SKAP1: variants seen among roughly 807,000 people sequenced by gnomAD.
The protein encoded by SKAP1 is src kinase associated phosphoprotein 1, also known as src kinase-associated phosphoprotein 1.
In SKAP1, 44 loss-of-function variants were observed where a neutral mutation model predicts 58.5. That is an observed-to-expected ratio of 0.75 (90% CI 0.59 to 0.97). The LOEUF is 0.97. Among genes scored for constraint, SKAP1 ranks in the 50% least tolerant of loss-of-function variants. The pLI, the probability that SKAP1 is intolerant of heterozygous loss-of-function variation, is 0.00. For missense variants in SKAP1, 390 were observed against 435.2 expected, an observed-to-expected ratio of 0.90 and a Z score of 0.92; for synonymous variants, 127 against 149.7, an observed-to-expected ratio of 0.85 and a Z score of 1.11.
At chr17:48,234,371 G>A (rs2065157721) in intron 4 of SKAP1, among the ~76,000 whole-genome samples, 1 of 151,882 alleles carries the variant, frequency 6.6e-6, no homozygotes, top group South Asian at 2.1e-4. Flanking sequence ...GAGATAGAAA[G>A]CAGTTCTCTA....
the SKAP1 span, among the ~76,000 whole-genome samples, chr17:48,435,617 C>T: frequency 1.3e-5 from 2 of 152,308 alleles, no homozygotes; most frequent in African/African-American, 2.4e-5. Context: ...TTTCTAAAGT[C>T]GACCTGGGTT....
intron 2 of SKAP1, among the ~76,000 whole-genome samples, chr17:48,384,545 C>A (rs1307281824): frequency 1.3e-4 from 20 of 152,150 alleles, no homozygotes; most frequent in Admixed American, 1.3e-3. Context: ...TCTGCTCTAA[C>A]ACCTTAGAGC....
chr17:48,346,119 G>A, intron 3 of SKAP1, 113 bp from the exon 4 acceptor site: 1 of 551,554 alleles, frequency 1.8e-6, no homozygotes, highest in South Asian at 2.8e-5. Flanking sequence ...AAAAAAAAGT[G>A]TATCTTTTAC....
chr17:48,384,115 C>T (rs182836614), intron 2 of SKAP1, among the ~76,000 whole-genome samples: 21 of 152,104 alleles, frequency 1.4e-4, no homozygotes, highest in Admixed American at 1.4e-3. Flanking sequence ...AGGCAGAGAA[C>T]CAGAAAGGAG....
chr17:48,270,336 T>C (rs11650113), intron 4 of SKAP1, among the ~76,000 whole-genome samples: 1 of 152,062 alleles, frequency 6.6e-6, no homozygotes, highest in Non-Finnish European at 1.5e-5. Flanking sequence ...TTTAAATTAA[T>C]TTAATTTTAT....
chr17:48,412,053 A>G (rs952847366), intron 1 of SKAP1, among the ~76,000 whole-genome samples: 1 of 152,222 alleles, frequency 6.6e-6, no homozygotes, highest in African/African-American at 2.4e-5. Context: ...AATGCTCACA[A>G]TAAGGGAAAC....
the SKAP1 span, among the ~76,000 whole-genome samples, chr17:48,436,621 C>T: frequency 6.6e-6 from 1 of 152,120 alleles, no homozygotes; most frequent in Non-Finnish European, 1.5e-5. Context: ...TTCCTTCTGC[C>T]TGCTAACATC....
intron 4 of SKAP1, among the ~76,000 whole-genome samples, chr17:48,252,546 G>C (rs2065375961): frequency 6.6e-6 from 1 of 152,184 alleles, no homozygotes; most frequent in Non-Finnish European, 1.5e-5. Flanking sequence ...ATGAACTCTA[G>C]AGAAGGAATA....
chr17:48,246,732 T>TAAACTGC (rs1426967708), intron 4 of SKAP1, among the ~76,000 whole-genome samples: 1 of 152,198 alleles, frequency 6.6e-6, no homozygotes, highest in Non-Finnish European at 1.5e-5. Flanking sequence ...CCTGCTGGTC[T>TAAACTGC]TTTTCATCAC....
intron 1 of SKAP1, 126 bp from the exon 2 acceptor site, chr17:48,396,911 A>G (rs2067426801): frequency 1.7e-6 from 1 of 578,336 alleles, no homozygotes; most frequent in Non-Finnish European, 2.9e-6. Context: ...CATGTACCCT[A>G]AAACTTAAAG....
intron 9 of SKAP1, among the ~76,000 whole-genome samples, chr17:48,179,187 AT>A (rs1050120836): frequency 2.0e-5 from 3 of 152,196 alleles, no homozygotes; most frequent in African/African-American, 4.8e-5. Context: ...ATTGTTATAA[AT>A]TTAGGCTTAA....
intron 11 of SKAP1, among the ~76,000 whole-genome samples, chr17:48,145,019 G>C (rs1488934761): frequency 6.6e-6 from 1 of 151,972 alleles, no homozygotes; most frequent in Non-Finnish European, 1.5e-5. Flanking sequence ...GTTCAATGAA[G>C]ATGTTTTAGA....
chr17:48,255,659 T>C (rs2065414997), intron 4 of SKAP1, among the ~76,000 whole-genome samples: 2 of 152,020 alleles, frequency 1.3e-5, no homozygotes, highest in Non-Finnish European at 2.9e-5. Flanking sequence ...GGCTAGAGAT[T>C]ATAGTTTTTG....
At chr17:48,303,570 G>A (rs1440526026) in intron 4 of SKAP1, among the ~76,000 whole-genome samples, 2 of 152,180 alleles carry the variant, frequency 1.3e-5, no homozygotes, top group Admixed American at 1.3e-4. Context: ...ACATAAAGGA[G>A]GCAGACTTTA....
At chr17:48,238,017 G>T (rs774944206) in intron 4 of SKAP1, among the ~76,000 whole-genome samples, 2 of 151,422 alleles carry the variant, frequency 1.3e-5, no homozygotes, top group Admixed American at 1.3e-4. Context: ...TTTTTGAGAC[G>T]GAGCCTGGCT....
intron 4 of SKAP1, among the ~76,000 whole-genome samples, chr17:48,262,596 A>C (rs778898624): frequency 6.6e-6 from 1 of 152,180 alleles, no homozygotes; most frequent in Admixed American, 6.5e-5. Flanking sequence ...TTGTAATCTC[A>C]TTGCATGAAG....
chr17:48,198,744 C>T (rs2064682534), intron 4 of SKAP1, among the ~76,000 whole-genome samples: 1 of 152,012 alleles, frequency 6.6e-6, no homozygotes, highest in South Asian at 2.1e-4. Context: ...TTGATTTTAT[C>T]AATAACACAT....
intron 11 of SKAP1, among the ~76,000 whole-genome samples, chr17:48,146,250 T>C (rs2063831405): frequency 6.6e-6 from 1 of 152,024 alleles, no homozygotes; most frequent in Non-Finnish European, 1.5e-5. Flanking sequence ...CCCAGCACTT[T>C]GGGAGGCTAA....
At chr17:48,282,768 T>C (rs940953253) in intron 4 of SKAP1, among the ~76,000 whole-genome samples, 2 of 151,462 alleles carry the variant, frequency 1.3e-5, no homozygotes, top group South Asian at 2.1e-4. Context: ...CAGAGCAAGA[T>C]CTGGTCTCAA....
Sources: allele counts gnomAD v4.1 joint callset (sites outside exome capture counted in the v4.1 genomes callset), GRCh38; gene constraint gnomAD v4.1.1; transcripts MANE v1.5; gene names NCBI Gene and HGNC (gene_info 2026-07-23, HGNC 2026-07-21).